Variants in PDZRN4 observed in about 807,000 individuals in gnomAD.
The protein encoded by PDZRN4 is PDZ domain-containing RING finger protein 4.
PDZRN4 carries 70 observed loss-of-function variants against 99.0 expected under a neutral mutation model. That is an observed-to-expected ratio of 0.71 (90% CI 0.58 to 0.86). The LOEUF (loss-of-function observed/expected upper bound fraction) is 0.86, where lower values mean the gene tolerates loss of function less well. Ranked by LOEUF, PDZRN4 falls within the 40% of genes least tolerant of loss-of-function variation. The pLI is 0.00. For synonymous variants in PDZRN4, 551 were observed against 501.6 expected (o/e 1.10, Z -1.32); for missense variants, 1,474 against 1,331.2 (o/e 1.11, Z -1.67).
In PDZRN4 at chr12:41,432,875, T is replaced by A. The variant is rs555426029; in HGVS notation, c.844-73581T>A. Among the ~76,000 whole-genome samples the A allele has an allele frequency of 7.0e-4, 107 of 152,316 alleles. 1 individual carries two copies. Among genetic ancestry groups the A allele is most frequent in the African/African-American group, 2.0e-3 (83 of 41,578 alleles). ...GGAGATGTAGACGTGTATAGAGCAG[T>A]TCAGCTTTGCTGGAGCCTGAAAAAA... On this transcript the variant is annotated intron_variant, in intron 3 of 9. Coordinates refer to ENST00000402685, the MANE Select transcript of PDZRN4 (RefSeq NM_001164595.2).
chr12:41,430,466 T>TAA (rs528553273), intron 3 of PDZRN4, among the ~76,000 whole-genome samples: 1 of 135,112 alleles, frequency 7.4e-6, no homozygotes, highest in East Asian at 2.1e-4. Flanking sequence ...AGACTCCATC[T>TAA]AAAAAAAAAA....
chr12:41,298,592 G>GA (rs34965930), intron 3 of PDZRN4, among the ~76,000 whole-genome samples: 3 of 152,092 alleles, frequency 2.0e-5, no homozygotes, highest in Admixed American at 1.3e-4. Flanking sequence ...GATTGGATGA[G>GA]AAAAGCTGTC....
At chr12:41,506,858 G>A in intron 4 of PDZRN4, 146 bp downstream of exon 4, 2 of 848,918 alleles carry the variant, frequency 2.4e-6, no homozygotes, top group Non-Finnish European at 3.6e-6. Context: ...CCCCTGTTTT[G>A]ATATGTGCAA....
chr12:41,411,071 T>A (rs1337022635), intron 3 of PDZRN4, among the ~76,000 whole-genome samples: 170 of 148,784 alleles, frequency 1.1e-3, no homozygotes, highest in Non-Finnish European at 1.9e-3. Context: ...ATATATATTT[T>A]TTTTTTATTT....
chr12:41,469,816 G>C (rs1230201974), intron 3 of PDZRN4, among the ~76,000 whole-genome samples: 1 of 152,160 alleles, frequency 6.6e-6, no homozygotes, highest in Non-Finnish European at 1.5e-5. Flanking sequence ...TGTAGTCCCA[G>C]CTACTTGGGA....
At chr12:41,319,974 G>A (rs770797763) in intron 3 of PDZRN4, among the ~76,000 whole-genome samples, 5 of 152,220 alleles carry the variant, frequency 3.3e-5, no homozygotes, top group South Asian at 2.1e-4. Context: ...TCCCAGCAGC[G>A]GCAGCTGTGC....
chr12:41,503,742 A>G (rs149768016), intron 3 of PDZRN4, among the ~76,000 whole-genome samples: 210 of 152,288 alleles, frequency 1.4e-3, no homozygotes, highest in African/African-American at 4.6e-3. Context: ...TGGGGAAAAA[A>G]TAGGTGAATG....
intron 3 of PDZRN4, among the ~76,000 whole-genome samples, chr12:41,317,764 G>C (rs752056351): frequency 6.6e-6 from 1 of 151,844 alleles, no homozygotes; most frequent in Non-Finnish European, 1.5e-5. Flanking sequence ...CATGGACTCC[G>C]GGCTCCACCT....
intron 3 of PDZRN4, among the ~76,000 whole-genome samples, chr12:41,358,915 T>C (rs888635701): frequency 2.6e-5 from 4 of 152,010 alleles, no homozygotes; most frequent in African/African-American, 4.8e-5. Flanking sequence ...ATTACTAACA[T>C]TTCTGAAACA....
At chr12:41,385,692 C>G (rs1208767187) in intron 3 of PDZRN4, among the ~76,000 whole-genome samples, 1 of 151,832 alleles carries the variant, frequency 6.6e-6, no homozygotes, top group Admixed American at 6.6e-5. Context: ...GCCCACCAAC[C>G]AAAAAAAGCC....
At chr12:41,242,779 C>T (rs544970938) in intron 3 of PDZRN4, among the ~76,000 whole-genome samples, 1 of 152,204 alleles carries the variant, frequency 6.6e-6, no homozygotes, top group South Asian at 2.1e-4. Context: ...TCCCTTAACA[C>T]GTTGGAGAGG....
chr12:41,212,302 T>A (rs544438768), intron 3 of PDZRN4, among the ~76,000 whole-genome samples: 2 of 152,178 alleles, frequency 1.3e-5, no homozygotes, highest in African/African-American at 4.8e-5. Context: ...TGTTTCTGCC[T>A]GTTCTGTTTG....
chr12:41,370,043 C>G (rs1401338464), intron 3 of PDZRN4, among the ~76,000 whole-genome samples: 1 of 151,802 alleles, frequency 6.6e-6, no homozygotes, highest in East Asian at 1.9e-4. Flanking sequence ...TAATTCTTAT[C>G]CACCATTTTA....
chr12:41,545,364 T>C (rs1938927284), intron 5 of PDZRN4, among the ~76,000 whole-genome samples: 1 of 152,176 alleles, frequency 6.6e-6, no homozygotes, highest in African/African-American at 2.4e-5. Context: ...TTTCTCTGTT[T>C]GGAAATTTGG....
intron 3 of PDZRN4, among the ~76,000 whole-genome samples, chr12:41,223,869 T>C (rs1190031342): frequency 1.3e-5 from 2 of 152,162 alleles, no homozygotes; most frequent in Non-Finnish European, 2.9e-5. Context: ...TATGACCCTG[T>C]GGGTCCAGGG....
chr12:41,538,066 G>A (rs1342566519), intron 5 of PDZRN4, among the ~76,000 whole-genome samples: 1 of 152,122 alleles, frequency 6.6e-6, no homozygotes, highest in South Asian at 2.1e-4. Flanking sequence ...GAAAAGAGAT[G>A]AGCAGATTTT....
At chr12:41,350,863 G>A (rs986456471) in intron 3 of PDZRN4, among the ~76,000 whole-genome samples, 1 of 151,996 alleles carries the variant, frequency 6.6e-6, no homozygotes, top group Admixed American at 6.6e-5. Flanking sequence ...CCCAGAAGCA[G>A]CCTCCCTCTC....
intron 3 of PDZRN4, among the ~76,000 whole-genome samples, chr12:41,485,391 G>A (rs1192373379): frequency 6.6e-6 from 1 of 152,104 alleles, no homozygotes; most frequent in Admixed American, 6.6e-5. Context: ...TTCAATTCCG[G>A]TACGGAAATG....
intron 3 of PDZRN4, among the ~76,000 whole-genome samples, chr12:41,328,891 AG>A (rs1951726215): frequency 6.6e-6 from 1 of 152,090 alleles, no homozygotes; most frequent in Admixed American, 6.6e-5. Flanking sequence ...ATTGGCCAGG[AG>A]GAGAAGATTT....
Sources: gnomAD v4.1 joint callset for allele counts (sites outside exome capture counted in the v4.1 genomes callset) on GRCh38, gnomAD v4.1.1 for gene constraint, MANE v1.5 for transcripts, NCBI Gene and HGNC (gene_info 2026-07-23, HGNC 2026-07-21) for gene names.